RNF38: variants seen among roughly 807,000 people sequenced by gnomAD.
RNF38 encodes the protein E3 ubiquitin-protein ligase RNF38.
RNF38 carries 15 observed loss-of-function variants against 67.2 expected under a neutral mutation model. The observed-to-expected ratio is 0.22, with a 90% CI of 0.15 to 0.34. RNF38 has a LOEUF of 0.34. Ranked by LOEUF, RNF38 falls within the 10% of genes least tolerant of loss-of-function variation. The pLI is 1.00. For missense variants in RNF38, 524 were observed against 639.9 expected, an observed-to-expected ratio of 0.82 and a Z score of 1.95; for synonymous variants, 220 against 218.8, an observed-to-expected ratio of 1.01 and a Z score of -0.05.
intron 2 of RNF38, 42 bp downstream of exon 2, chr9:36,390,425 G>T: frequency 6.5e-7 from 1 of 1,537,930 alleles, no homozygotes; most frequent in Non-Finnish European, 8.8e-7. Context: ...TGTAGAATGT[G>T]ACTTTCAGCC....
intron 2 of RNF38, among the ~76,000 whole-genome samples, chr9:36,411,987 A>G (rs926886823): frequency 1.3e-5 from 2 of 152,160 alleles, no homozygotes; most frequent in Non-Finnish European, 2.9e-5. Flanking sequence ...AAAACAGTGT[A>G]TGATTCTACT....
Position 36,399,836 on chromosome 9 carries a change from TC to T in RNF38, c.12+260del, listed in dbSNP as rs1382628584. 6.6e-5 allele frequency among the ~76,000 whole-genome samples: 10 copies of T among 152,310 alleles called. No individual in the cohort carries two copies. In the South Asian group the frequency reaches 1.7e-3, roughly 25 times the overall value. Reference sequence around the variant, plus strand: ...ATTGAAAAAAATTTACGGTAAATTTTCAAGTATAACAACACTCGCAATCAAG... The same window carrying T: ...ATTGAAAAAAATTTACGGTAAATTTTAAGTATAACAACACTCGCAATCAAG... On this transcript the variant is annotated intron_variant, in intron 1 of 11. Transcript: ENST00000259605.
chr9:36,345,024 G>C (rs190624884), intron 9 of RNF38, 71 bp from the exon 10 acceptor site: 3 of 1,491,660 alleles, frequency 2.0e-6, no homozygotes, highest in East Asian at 4.7e-5. Flanking sequence ...TTTTTTTTAA[G>C]AGATGGAGTC....
At chr9:36,377,667 T>TC (rs34260033) in intron 2 of RNF38, among the ~76,000 whole-genome samples, 4 of 152,116 alleles carry the variant, frequency 2.6e-5, no homozygotes, top group African/African-American at 9.7e-5. Context: ...CAGAGACCAC[T>TC]CCCCCATACC....
intron 1 of RNF38, among the ~76,000 whole-genome samples, chr9:36,459,252 C>A (rs1839667765): frequency 6.6e-6 from 1 of 151,530 alleles, no homozygotes; most frequent in South Asian, 2.1e-4. Context: ...CACAGCTACA[C>A]ACTGAAAAGA....
intron 1 of RNF38, among the ~76,000 whole-genome samples, chr9:36,397,974 AAC>A: frequency 6.6e-6 from 1 of 152,250 alleles, no homozygotes; most frequent in Admixed American, 6.5e-5. Context: ...CCTCTCTCCA[AAC>A]ACACACACGG....
intron 1 of RNF38, among the ~76,000 whole-genome samples, chr9:36,391,834 C>T (rs896825906): frequency 3.9e-5 from 6 of 152,092 alleles, no homozygotes; most frequent in African/African-American, 1.2e-4. Context: ...AGGATGGTCT[C>T]GATCTCCTGA....
intron 2 of RNF38, among the ~76,000 whole-genome samples, chr9:36,416,119 C>G (rs899475224): frequency 6.9e-6 from 1 of 144,474 alleles, no homozygotes; most frequent in East Asian, 2.1e-4. Flanking sequence ...AAAAGACCAT[C>G]AAGTAAGGGC....
At chr9:36,426,485 C>G (rs1838774040) in intron 1 of RNF38, among the ~76,000 whole-genome samples, 1 of 152,208 alleles carries the variant, frequency 6.6e-6, no homozygotes, top group Non-Finnish European at 1.5e-5. Flanking sequence ...CCACACTGAA[C>G]CGCGTACCAA....
chr9:36,344,432 T>C (rs368179777), intron 10 of RNF38, among the ~76,000 whole-genome samples: 70 of 152,340 alleles, frequency 4.6e-4, no homozygotes, highest in Middle Eastern at 3.4e-3. Flanking sequence ...CAAAACTTTA[T>C]GTGCATGAAT....
intron 2 of RNF38, among the ~76,000 whole-genome samples, chr9:36,410,189 A>G (rs1475516929): frequency 1.3e-5 from 2 of 152,236 alleles, no homozygotes; most frequent in Non-Finnish European, 2.9e-5. Flanking sequence ...TTCCAGGTAG[A>G]TAAGAAAGGA....
At chr9:36,431,046 A>C (rs1332873063) in intron 1 of RNF38, among the ~76,000 whole-genome samples, 1 of 152,232 alleles carries the variant, frequency 6.6e-6, no homozygotes, top group Non-Finnish European at 1.5e-5. Context: ...CTCCCACTTC[A>C]GATGCCAATT....
intron 1 of RNF38, among the ~76,000 whole-genome samples, chr9:36,399,749 G>T (rs1009210334): frequency 4.6e-5 from 7 of 151,820 alleles, no homozygotes; most frequent in Non-Finnish European, 8.8e-5. Flanking sequence ...ATTTTACTTC[G>T]ATTCCAACTG....
Position 36,338,589 on chromosome 9 carries a change from T to G in RNF38, c.*1163A>C, listed in dbSNP as rs185921172. 6.6e-6 allele frequency: 1 copy of G among 152,258 alleles called. No individual in the cohort carries two copies. Among genetic ancestry groups the G allele is most frequent in the Admixed American group, 6.5e-5 (1 of 15,290 alleles). The allele number at this position is 152,258 out of a possible 1,614,324, so 9.4% of individuals were successfully genotyped here. On this transcript the variant is annotated 3_prime_UTR_variant, in exon 12 of 12. Coordinates refer to ENST00000259605, the MANE Select transcript of RNF38 (RefSeq NM_022781.5). ...CAGAAATAGAGTTTTCTTAAAACAATTGAGTTGCCCACAGGAGCTTGAACA... is the reference window on the plus strand; with the variant it reads ...CAGAAATAGAGTTTTCTTAAAACAAGTGAGTTGCCCACAGGAGCTTGAACA...
intron 8 of RNF38, 73 bp downstream of exon 8, chr9:36,352,669 A>T: frequency 9.0e-7 from 1 of 1,114,828 alleles, no homozygotes; most frequent in Non-Finnish European, 1.4e-6. Context: ...TATAGACACA[A>T]AGACATTCAC....
At chr9:36,441,592 G>A (rs575319486) in intron 1 of RNF38, among the ~76,000 whole-genome samples, 29 of 152,224 alleles carry the variant, frequency 1.9e-4, no homozygotes, top group African/African-American at 6.0e-4. Flanking sequence ...CAAGTGCTGG[G>A]ATTACAGGCG....
At chr9:36,418,598 C>T (rs886719269) in intron 2 of RNF38, among the ~76,000 whole-genome samples, 1 of 151,880 alleles carries the variant, frequency 6.6e-6, no homozygotes, top group East Asian at 1.9e-4. Flanking sequence ...CCAGCTTGGC[C>T]AACATGGTGA....
At chr9:36,376,450 A>C (rs1274325917) in intron 2 of RNF38, among the ~76,000 whole-genome samples, 1 of 152,012 alleles carries the variant, frequency 6.6e-6, no homozygotes, top group Non-Finnish European at 1.5e-5. Flanking sequence ...CTTCTCTTTA[A>C]ATTCCCAAAC....
At position 36,439,662 on chromosome 9, in the gene RNF38, G is replaced by T. The variant is rs570164454; in HGVS notation, n.242-14979C>A. Among the ~76,000 whole-genome samples the T allele has an allele frequency of 2.0e-5, 3 of 151,582 alleles. No individual in the cohort carries two copies. The East Asian group carries it at 5.8e-4, about 29-fold the overall frequency. On this transcript the variant is annotated intron_variant and non_coding_transcript_variant, in intron 1 of 3. Transcript: ENST00000488058. The stretch of plus-strand genomic sequence containing the variant: ...TCTACTAAAAACACAAAAATTAGCC[G>T]GGCATGGTGGCACACACCTTTAGTC...
Sources: gnomAD v4.1 joint callset for allele counts (sites outside exome capture counted in the v4.1 genomes callset) on GRCh38, gnomAD v4.1.1 for gene constraint, MANE v1.5 for transcripts, NCBI Gene and HGNC (gene_info 2026-07-23, HGNC 2026-07-21) for gene names.